The following ROBO1 variants were observed in gnomAD, a reference collection of about 807,000 sequenced individuals.
ROBO1 encodes the protein roundabout guidance receptor 1.
ROBO1 carries 149 observed loss-of-function variants against 195.9 expected under a neutral mutation model. The ratio of observed to expected loss-of-function variants is 0.76; its 90% CI spans 0.67 to 0.87. The LOEUF is 0.87. Among genes scored for constraint, ROBO1 ranks in the 40% least tolerant of loss-of-function variants. The probability of loss-of-function intolerance (pLI) is 0.00; values close to 1 mark genes in which losing one functional copy is unlikely to be tolerated. For synonymous variants in ROBO1, 816 were observed against 733.2 expected (o/e 1.11, Z -1.82); for missense variants, 1,933 against 2,068.3 (o/e 0.93, Z 1.27).
intron 3 of ROBO1, among the ~76,000 whole-genome samples, chr3:79,087,489 C>CT (rs1216432345): frequency 6.6e-6 from 1 of 151,992 alleles, no homozygotes; most frequent in Non-Finnish European, 1.5e-5. Context: ...CAGTATCCTT[C>CT]TTTTCCAGCT....
chr3:78,939,919 C>T (rs532922958), intron 3 of ROBO1, among the ~76,000 whole-genome samples: 1 of 151,990 alleles, frequency 6.6e-6, no homozygotes, highest in East Asian at 1.9e-4. Context: ...AAATGAAGCC[C>T]TGAGTGTCTA....
rs1322848586 is a variant in ROBO1 at position 78,662,101 on chromosome 3, T to A, written c.1980A>T (p.Thr660=). 1 of 1,562,636 alleles carries A rather than the reference T, an allele frequency of 6.4e-7. No homozygotes were observed. The highest frequency in any genetic ancestry group is 1.4e-5 in the African/African-American group (1 of 73,820). Reference sequence around the variant, plus strand: ...CCTGCTTGTGGTCCACCCCCTGACTTGTTGGTAGGACATCTACAACAAGTC... The same window carrying A: ...CCTGCTTGTGGTCCACCCCCTGACTAGTTGGTAGGACATCTACAACAAGTC... ...DPVKTQDVLP[T]SQGVDHKQVQ... is the part of the protein sequence containing the mutation. Residue 660 remains threonine (T), a synonymous_variant, in exon 15 of 31, where the codon ACA becomes ACT. Coordinates refer to ENST00000464233, the MANE Select transcript of ROBO1 (RefSeq NM_002941.4).
At chr3:78,918,153 T>C (rs2107580426) in intron 4 of ROBO1, among the ~76,000 whole-genome samples, 1 of 152,308 alleles carries the variant, frequency 6.6e-6, no homozygotes, top group African/African-American at 2.4e-5. Context: ...ATCAACTATT[T>C]AAAGAACACA....
At chr3:79,513,531 C>T (rs375215686) in intron 2 of ROBO1, among the ~76,000 whole-genome samples, 1 of 152,092 alleles carries the variant, frequency 6.6e-6, no homozygotes, top group Admixed American at 6.6e-5. Flanking sequence ...CCTCCCCCTA[C>T]ACCCTAGTAA....
At chr3:78,991,587 ATT>A (rs758253121) in intron 3 of ROBO1, among the ~76,000 whole-genome samples, 57 of 152,294 alleles carry the variant, frequency 3.7e-4, no homozygotes, top group Non-Finnish European at 6.9e-4. Flanking sequence ...AATGCTCACT[ATT>A]TGATTTGAGT....
At chr3:78,719,685 C>T (rs948181225) in intron 5 of ROBO1, among the ~76,000 whole-genome samples, 2 of 152,124 alleles carry the variant, frequency 1.3e-5, no homozygotes, top group Non-Finnish European at 2.9e-5. Flanking sequence ...ATTTCCAAGG[C>T]TACATACAAT....
chr3:79,360,670 A>G (rs1577020414), intron 2 of ROBO1, among the ~76,000 whole-genome samples: 1 of 151,994 alleles, frequency 6.6e-6, no homozygotes, highest in South Asian at 2.1e-4. Flanking sequence ...ACCTCATATA[A>G]GGTAGATGCT....
chr3:78,742,101 T>G (rs558169386), intron 5 of ROBO1, among the ~76,000 whole-genome samples: 38 of 152,276 alleles, frequency 2.5e-4, no homozygotes, highest in African/African-American at 8.7e-4. Context: ...GGGTGTGTCT[T>G]TGTTCTCACA....
chr3:78,710,507 T>C (rs1249080295), intron 8 of ROBO1, among the ~76,000 whole-genome samples: 1 of 152,220 alleles, frequency 6.6e-6, no homozygotes, highest in Non-Finnish European at 1.5e-5. Context: ...GCAATAAAGC[T>C]ATCAATAATA....
chr3:78,951,876 A>C (rs1389368984), intron 3 of ROBO1, among the ~76,000 whole-genome samples: 1 of 152,126 alleles, frequency 6.6e-6, no homozygotes. Flanking sequence ...CCCCTCTGAG[A>C]GGTCACTTTT....
chr3:79,552,724 GA>G (rs1942568502), intron 2 of ROBO1, among the ~76,000 whole-genome samples: 1 of 152,006 alleles, frequency 6.6e-6, no homozygotes, highest in Non-Finnish European at 1.5e-5. Context: ...TTTATATAGG[GA>G]ATAAGAAGCA....
At position 79,506,813 on chromosome 3, in the gene ROBO1, A is replaced by T. The variant is rs567173533; in HGVS notation, c.88+83011T>A. On this transcript the variant is annotated intron_variant, in intron 2 of 30. Transcript: ENST00000464233. ...TATGTTGAGTTTCAAGTGTCATAAA[A>T]GCATATGTGCAACTTACATATTAGG... Among the ~76,000 whole-genome samples, 5 of 152,386 alleles carry T rather than the reference A, an allele frequency of 3.3e-5. No individual in the cohort carries two copies. The South Asian group carries it at 1.0e-3, about 32-fold the overall frequency.
chr3:79,059,617 T>G (rs550375090), intron 3 of ROBO1, among the ~76,000 whole-genome samples: 1 of 152,026 alleles, frequency 6.6e-6, no homozygotes, highest in African/African-American at 2.4e-5. Context: ...TTCCCCCAAA[T>G]TAATACTTTT....
chr3:78,696,111 G>A (rs1426525558), intron 8 of ROBO1, among the ~76,000 whole-genome samples: 1 of 141,686 alleles, frequency 7.1e-6, no homozygotes, highest in Admixed American at 7.1e-5. Context: ...TGTTGGGCAT[G>A]GCAGAAAGAA....
chr3:79,731,472 C>T (rs1215610562), intron 1 of ROBO1, among the ~76,000 whole-genome samples: 1 of 151,656 alleles, frequency 6.6e-6, no homozygotes. Context: ...TGGTGCTGAC[C>T]CCTGGTTAGG....
chr3:79,121,721 C>T (rs2080119312), intron 3 of ROBO1, among the ~76,000 whole-genome samples: 1 of 151,864 alleles, frequency 6.6e-6, no homozygotes, highest in African/African-American at 2.4e-5. Flanking sequence ...AGATGGAAGA[C>T]ATTTTCTTAT....
intron 10 of ROBO1, among the ~76,000 whole-genome samples, chr3:78,673,346 A>G (rs1708175263): frequency 6.6e-6 from 1 of 150,424 alleles, no homozygotes; most frequent in Admixed American, 6.7e-5. Context: ...ATAGTGGTGG[A>G]GGTAGTGATG....
At chr3:78,837,896 T>G (rs1342817116) in intron 4 of ROBO1, among the ~76,000 whole-genome samples, 1 of 152,216 alleles carries the variant, frequency 6.6e-6, no homozygotes, top group Non-Finnish European at 1.5e-5. Context: ...TGTTGCATAA[T>G]GCTTAATTCT....
At chr3:78,980,153 T>C (rs1054099762) in intron 3 of ROBO1, among the ~76,000 whole-genome samples, 2 of 152,138 alleles carry the variant, frequency 1.3e-5, no homozygotes, top group Non-Finnish European at 2.9e-5. Context: ...TAAAAATCAA[T>C]ACATTAAGTA....
Sources: allele counts gnomAD v4.1 joint callset (sites outside exome capture counted in the v4.1 genomes callset), GRCh38; gene constraint gnomAD v4.1.1; transcripts MANE v1.5; gene names NCBI Gene and HGNC (gene_info 2026-07-23, HGNC 2026-07-21).